SCN8A: variants seen among roughly 807,000 people sequenced by gnomAD.
The protein encoded by SCN8A is sodium channel protein type 8 subunit alpha.
In SCN8A, 30 loss-of-function variants were observed where a neutral mutation model predicts 184.1. The observed-to-expected ratio is 0.16, with a 90% confidence interval of 0.12 to 0.22. The LOEUF (loss-of-function observed/expected upper bound fraction) is 0.22, where lower values mean the gene tolerates loss of function less well. SCN8A is among the 10% of genes least tolerant of loss of function. The pLI is 1.00. For synonymous variants in SCN8A, 852 were observed against 907.0 expected (o/e 0.94, Z 1.09); for missense variants, 1,057 against 2,498.9 (o/e 0.42, Z 12.30).
intron 11 of SCN8A, among the ~76,000 whole-genome samples, chr12:51,718,746 A>G (rs1010609761): frequency 4.7e-4 from 70 of 149,638 alleles, no homozygotes; most frequent in African/African-American, 1.5e-3. Context: ...AATGTTGGCA[A>G]TGATGGAAAG....
intron 1 of SCN8A, among the ~76,000 whole-genome samples, chr12:51,634,401 A>G (rs903730772): frequency 6.6e-6 from 1 of 152,132 alleles, no homozygotes; most frequent in African/African-American, 2.4e-5. Context: ...GTGTCTGCAA[A>G]GTTCCATTGC....
intron 1 of SCN8A, among the ~76,000 whole-genome samples, chr12:51,651,874 A>T (rs78641144): frequency 6.6e-6 from 1 of 152,206 alleles, no homozygotes; most frequent in African/African-American, 2.4e-5. Context: ...AGCAGCTGAC[A>T]TGGGTCTTCT....
chr12:51,693,612 A>G (rs970335088), intron 6 of SCN8A, among the ~76,000 whole-genome samples: 6 of 152,190 alleles, frequency 3.9e-5, no homozygotes, highest in African/African-American at 1.4e-4. Flanking sequence ...TAGCCACTGC[A>G]TTCCAACCTG....
chr12:51,763,432 G>C (rs1033402772), intron 15 of SCN8A, among the ~76,000 whole-genome samples: 6 of 152,202 alleles, frequency 3.9e-5, no homozygotes, highest in Non-Finnish European at 7.3e-5. Flanking sequence ...GTGATGTTCA[G>C]TAGGTTACGT....
At position 51,605,648 on chromosome 12, in the gene SCN8A, T is replaced by C. The variant is rs1476720287; in HGVS notation, c.-55+14289T>C. On this transcript the variant is annotated intron_variant, in intron 1 of 26. Coordinates refer to ENST00000627620, the MANE Select transcript of SCN8A (RefSeq NM_001330260.2). Reference sequence around the variant, plus strand: ...CTGGACCAAATGGTAGTTCTACTTTTAGTTTTTTAAGGAATCTCCACACTG... The same window carrying C: ...CTGGACCAAATGGTAGTTCTACTTTCAGTTTTTTAAGGAATCTCCACACTG... Among the ~76,000 whole-genome samples the C allele has an allele frequency of 3.3e-5, 5 of 152,228 alleles. No homozygotes were observed. In the East Asian group the frequency reaches 7.7e-4, roughly 23 times the overall value.
At position 51,786,907 on chromosome 12, in the gene SCN8A, A is replaced by G. The variant is rs1938102964; in HGVS notation, c.4227+81A>G. 3 of 1,307,706 alleles carry G rather than the reference A, an allele frequency of 2.3e-6. No individual in the cohort carries two copies. The African/African-American group carries it at 4.5e-5, about 19-fold the overall frequency. The allele number at this position is 1,307,706 out of a possible 1,614,324, so 81.0% of individuals were successfully genotyped here. A position where few individuals can be genotyped will look rare whatever the true frequency, so the allele number is the denominator to read the frequency against. ...ACAAATCCCATTTGGCTTCTTCTCA[A>G]CCCTACTTCTAGAATCAGGATTATT... On this transcript the variant is annotated intron_variant, in intron 22 of 26. Coordinates refer to ENST00000627620, the MANE Select transcript of SCN8A (RefSeq NM_001330260.2).
At chr12:51,682,832 C>T (rs781234327) in intron 2 of SCN8A, among the ~76,000 whole-genome samples, 3 of 152,114 alleles carry the variant, frequency 2.0e-5, no homozygotes, top group Non-Finnish European at 4.4e-5. Context: ...ACAGTCTGCT[C>T]TCCCTCTTCC....
rs552377327 is a variant in SCN8A, at chr12:51,718,989, A to G, written c.1636-2557A>G. On this transcript the variant is annotated intron_variant, in intron 11 of 26. Transcript: ENST00000627620. The stretch of plus-strand genomic sequence containing the variant: ...TGGAAAAAGACTTAATTGCCAGCCG[A>G]TAGATTATTACAATAAATTTTGCTG... Among the ~76,000 whole-genome samples, 1,238 of 148,594 alleles carry G rather than the reference A, an allele frequency of 8.3e-3. 16 individuals are homozygous for G. Among genetic ancestry groups the G allele is most frequent in the African/African-American group, 0.029 (1,181 of 40,568 alleles).
rs188426068 is a variant in SCN8A, at chr12:51,682,576, A to C, written c.277-1598A>C. 2.8e-3 allele frequency among the ~76,000 whole-genome samples: 432 copies of C among 152,332 alleles called. 1 individual carries two copies. The highest frequency in any genetic ancestry group is 0.01 in the African/African-American group (416 of 41,586). On this transcript the variant is annotated intron_variant, in intron 2 of 26. Coordinates refer to ENST00000627620, the MANE Select transcript of SCN8A (RefSeq NM_001330260.2). ...AATTTCTAGAAGGATATACAAAAAAACTGGCATCGAAGGTTATCATTAGGT... is the reference window on the plus strand; with the variant it reads ...AATTTCTAGAAGGATATACAAAAAACCTGGCATCGAAGGTTATCATTAGGT...
intron 20 of SCN8A, chr12:51,780,391 T>C: frequency 2.8e-6 from 1 of 358,932 alleles, no homozygotes; most frequent in Non-Finnish European, 5.2e-6. Context: ...GCCTTCTCGA[T>C]TTTCTCTTCC....
chr12:51,735,808 G>A (rs1002238097), intron 12 of SCN8A, among the ~76,000 whole-genome samples: 1 of 152,200 alleles, frequency 6.6e-6, no homozygotes, highest in Non-Finnish European at 1.5e-5. Flanking sequence ...GGTTTCAGGT[G>A]TCTTGATGGT....
At chr12:51,665,677 C>T (rs1173191665) in intron 2 of SCN8A, among the ~76,000 whole-genome samples, 1 of 152,130 alleles carries the variant, frequency 6.6e-6, no homozygotes, top group Non-Finnish European at 1.5e-5. Flanking sequence ...CCTAGGGTGC[C>T]AGCTGGGTCT....
intron 1 of SCN8A, among the ~76,000 whole-genome samples, chr12:51,632,098 G>A (rs1940208557): frequency 1.3e-5 from 2 of 152,096 alleles, no homozygotes; most frequent in South Asian, 2.1e-4. Context: ...CTACCTGGCT[G>A]GCCAGGTTTT....
At chr12:51,746,150 G>A (rs1942508771) in intron 13 of SCN8A, 115 bp downstream of exon 13, 4 of 950,928 alleles carry the variant, frequency 4.2e-6, no homozygotes, top group Non-Finnish European at 6.0e-6. Context: ...TGAGCTTTAG[G>A]AATGGAACGT....
At chr12:51,625,600 ATTAGAGT>A (rs1427040571) in intron 1 of SCN8A, among the ~76,000 whole-genome samples, 1 of 152,198 alleles carries the variant, frequency 6.6e-6, no homozygotes, top group African/African-American at 2.4e-5. Flanking sequence ...ACTGTGCGGT[ATTAGAGT>A]TTAATCACCC....
chr12:51,798,693 T>G (rs1938477663), intron 26 of SCN8A, among the ~76,000 whole-genome samples: 1 of 152,096 alleles, frequency 6.6e-6, no homozygotes, highest in South Asian at 2.1e-4. Context: ...GGCTGAGTGG[T>G]GTCCACAGAA....
At chr12:51,687,244 G>A (rs1941433742) in intron 5 of SCN8A, 25 bp downstream of exon 5, 1 of 1,611,576 alleles carries the variant, frequency 6.2e-7, no homozygotes, top group Non-Finnish European at 8.5e-7. Flanking sequence ...TACTTTATTG[G>A]TGTTCTGGGT....
chr12:51,749,933 G>T (rs1003927642), intron 13 of SCN8A, among the ~76,000 whole-genome samples: 1 of 152,030 alleles, frequency 6.6e-6, no homozygotes, highest in Non-Finnish European at 1.5e-5. Flanking sequence ...GGTTTTCAAA[G>T]TTCACCTCTT....
At chr12:51,621,322 A>G (rs1483872598) in intron 1 of SCN8A, among the ~76,000 whole-genome samples, 6 of 152,136 alleles carry the variant, frequency 3.9e-5, no homozygotes, top group African/African-American at 1.4e-4. Context: ...CTTGAATGCT[A>G]TTTCCTGAAT....
Sources: allele counts gnomAD v4.1 joint callset (sites outside exome capture counted in the v4.1 genomes callset), GRCh38; gene constraint gnomAD v4.1.1; transcripts MANE v1.5; gene names NCBI Gene and HGNC (gene_info 2026-07-23, HGNC 2026-07-21).